The following RPTOR variants were observed in gnomAD, a reference collection of about 807,000 sequenced individuals.
RPTOR encodes the protein regulatory associated protein of MTOR complex 1, also known as regulatory-associated protein of mTOR.
RPTOR carries 21 observed loss-of-function variants against 169.9 expected under a neutral mutation model. The observed-to-expected ratio is 0.12, with a 90% CI of 0.09 to 0.18. RPTOR has a LOEUF of 0.18. Ranked by LOEUF, RPTOR falls within the 10% of genes least tolerant of loss-of-function variation. The pLI is 1.00. For synonymous variants in RPTOR, 732 were observed against 753.2 expected (o/e 0.97, Z 0.46); for missense variants, 1,133 against 1,855.9 (o/e 0.61, Z 7.16).
chr17:80,577,284 C>T (rs939759509), intron 1 of RPTOR, among the ~76,000 whole-genome samples: 12 of 152,164 alleles, frequency 7.9e-5, no homozygotes, highest in African/African-American at 2.9e-4. Context: ...TCTGAACTGG[C>T]CTCCCAAAGT....
intron 9 of RPTOR, among the ~76,000 whole-genome samples, chr17:80,834,868 G>T (rs1274391403): frequency 3.3e-5 from 5 of 152,200 alleles, no homozygotes; most frequent in Admixed American, 1.3e-4. Context: ...CACCCTCTCT[G>T]CCCTCCTCTC....
intron 5 of RPTOR, among the ~76,000 whole-genome samples, chr17:80,743,925 AGAG>A (rs1567887759): frequency 1.4e-5 from 1 of 70,522 alleles, no homozygotes; most frequent in Non-Finnish European, 2.9e-5. Flanking sequence ...GGTTACTAGC[AGAG>A]CCCTGGTTAC....
chr17:80,818,548 G>A (rs893801842), intron 7 of RPTOR, among the ~76,000 whole-genome samples: 1 of 152,182 alleles, frequency 6.6e-6, no homozygotes, highest in Non-Finnish European at 1.5e-5. Context: ...TTTATGTGAC[G>A]TGAAAAGTGA....
chr17:80,622,328 C>A (rs1199215396), intron 1 of RPTOR, among the ~76,000 whole-genome samples: 10 of 152,172 alleles, frequency 6.6e-5, no homozygotes. Flanking sequence ...AGAAACGTTT[C>A]CAGGAAATGT....
At chr17:80,896,344 C>T (rs1567974435) in intron 20 of RPTOR, among the ~76,000 whole-genome samples, 1 of 151,760 alleles carries the variant, frequency 6.6e-6, no homozygotes, top group Non-Finnish European at 1.5e-5. Flanking sequence ...TCCACGGCCG[C>T]GCCGACACCC....
chr17:80,838,506 C>A (rs538548158), intron 10 of RPTOR, among the ~76,000 whole-genome samples: 1 of 152,328 alleles, frequency 6.6e-6, no homozygotes, highest in East Asian at 1.9e-4. Context: ...CGGGCCTTCG[C>A]GGCAGCTCCC....
At chr17:80,745,460 G>GTT (rs1392317959) in intron 5 of RPTOR, among the ~76,000 whole-genome samples, 1 of 151,990 alleles carries the variant, frequency 6.6e-6, no homozygotes. Flanking sequence ...GCGCAACTTG[G>GTT]TTTTTAAATT....
intron 13 of RPTOR, among the ~76,000 whole-genome samples, chr17:80,867,514 G>T (rs1335677172): frequency 1.3e-5 from 2 of 152,156 alleles, no homozygotes; most frequent in Non-Finnish European, 2.9e-5. Context: ...CCTTGACATT[G>T]TACTGGAAGT....
intron 16 of RPTOR, among the ~76,000 whole-genome samples, chr17:80,884,451 C>T (rs2672876): frequency 0.56 from 85,048 of 151,910 alleles, 24,584 homozygotes; most frequent in African/African-American, 0.71. Context: ...CTGTGCAGTG[C>T]ACAGGGTGTT....
At chr17:80,942,972 C>T (rs1282936949) in intron 25 of RPTOR, among the ~76,000 whole-genome samples, 1 of 152,270 alleles carries the variant, frequency 6.6e-6, no homozygotes, top group African/African-American at 2.4e-5. Flanking sequence ...GTGCTGCCGC[C>T]GCACCAAAGC....
intron 1 of RPTOR, among the ~76,000 whole-genome samples, chr17:80,610,627 G>T (rs1419961105): frequency 6.6e-6 from 1 of 152,114 alleles, no homozygotes; most frequent in Non-Finnish European, 1.5e-5. Flanking sequence ...GAGTGGGAGT[G>T]AATGGGAAGG....
rs1011811701 is a variant in RPTOR, at chr17:80,625,954, G to A, written c.265+161G>A. Among the ~76,000 whole-genome samples the A allele has an allele frequency of 7.9e-5, 12 of 152,318 alleles. No individual in the cohort carries two copies. In the Middle Eastern group the frequency reaches 0.014, roughly 174 times the overall value. On this transcript the variant is annotated intron_variant, in intron 2 of 33. Transcript: ENST00000306801. ...GTCACATCACCTTTGAGTAATTTCC[G>A]ATGCGCTCACCTGTGATTGGTAGTG...
At chr17:80,727,004 C>T (rs748846310) in intron 4 of RPTOR, among the ~76,000 whole-genome samples, 9 of 152,132 alleles carry the variant, frequency 5.9e-5, no homozygotes, top group Admixed American at 2.0e-4. Context: ...CAGGAGGAAG[C>T]GTGCTCAAGT....
rs370418823 is a variant in RPTOR at position 80,803,960 on chromosome 17, C to T, written c.890+12451C>T. On this transcript the variant is annotated intron_variant, in intron 7 of 33. Coordinates refer to ENST00000306801, the MANE Select transcript of RPTOR (RefSeq NM_020761.3). The surrounding 1 kb of genome is among the most constrained non-coding windows in gnomAD (Gnocchi z 6.2). ...AGCCCCACAGCCTCTGAGCCAGGCA[C>T]GAGCTTGGGCTGTGTGGCAAGGGCC... Among the ~76,000 whole-genome samples the T allele has an allele frequency of 2.2e-3, 329 of 152,316 alleles. 2 individuals are homozygous for T. Among genetic ancestry groups the T allele is most frequent in the African/African-American group, 7.6e-3 (314 of 41,568 alleles).
intron 11 of RPTOR, among the ~76,000 whole-genome samples, chr17:80,850,534 A>G (rs6565483): frequency 6.6e-6 from 1 of 152,070 alleles, no homozygotes; most frequent in East Asian, 1.9e-4. Flanking sequence ...CTCAACCTCC[A>G]GAGTAGCTGG....
At chr17:80,758,317 C>T (rs2066701290) in intron 6 of RPTOR, among the ~76,000 whole-genome samples, 1 of 152,094 alleles carries the variant, frequency 6.6e-6, no homozygotes, top group Non-Finnish European at 1.5e-5. Context: ...GGAGGTGGAA[C>T]CTGAGAGGAA....
chr17:80,961,084 C>A lies in RPTOR; in HGVS notation c.3606-310C>A, dbSNP rs2069332707. 1.2e-4 allele frequency: 48 copies of A among 405,864 alleles called. No individual in the cohort carries two copies. In the South Asian group the frequency reaches 2.5e-3, roughly 21 times the overall value. 25.1% of individuals were successfully genotyped at this position (405,864 alleles called of 1,614,324 possible). On this transcript the variant is annotated intron_variant, in intron 30 of 33. Coordinates refer to ENST00000306801, the MANE Select transcript of RPTOR (RefSeq NM_020761.3). ...AAAGGGTGGGCAGGGCCTGGGAGCG[C>A]TGCGATGGCCGCCTGGCCCCCGTCT...
In RPTOR at chr17:80,936,955, T is replaced by G. The variant is rs1286426786; in HGVS notation, c.2920-3541T>G. On this transcript the variant is annotated intron_variant, in intron 24 of 33. Transcript: ENST00000306801. This position sits in a 1 kb window ranked among gnomAD's most constrained non-coding sequence, Gnocchi z 4.1. Reference sequence around the variant, plus strand: ...GACACTGGCAGAATCAAATCACCTCTGTTGCCTGTGGACTCACGACGCACA... The same window carrying G: ...GACACTGGCAGAATCAAATCACCTCGGTTGCCTGTGGACTCACGACGCACA... Among the ~76,000 whole-genome samples the G allele has an allele frequency of 6.6e-6, 1 of 152,226 alleles. No homozygotes were observed. Among genetic ancestry groups the G allele is most frequent in the Non-Finnish European group, 1.5e-5 (1 of 68,046 alleles).
intron 24 of RPTOR, among the ~76,000 whole-genome samples, chr17:80,926,425 A>C (rs1452244308): frequency 6.6e-6 from 1 of 152,222 alleles, no homozygotes; most frequent in East Asian, 1.9e-4. Context: ...GGAAGCATCA[A>C]ACGCCTTAAA....
Sources: allele counts gnomAD v4.1 joint callset (sites outside exome capture counted in the v4.1 genomes callset), GRCh38; gene constraint gnomAD v4.1.1; non-coding constraint Gnocchi (gnomAD v3.1); transcripts MANE v1.5; gene names NCBI Gene and HGNC (gene_info 2026-07-23, HGNC 2026-07-21).